The following CDKL3 variants were observed in gnomAD, a reference collection of about 807,000 sequenced individuals.
CDKL3 encodes cyclin dependent kinase like 3.
A neutral mutation model predicts 69.3 loss-of-function variants in CDKL3; 65 were observed. The ratio of observed to expected loss-of-function variants is 0.94; its 90% CI spans 0.77 to 1.15. The LOEUF (loss-of-function observed/expected upper bound fraction) is 1.15. Ranked by LOEUF, CDKL3 falls within the 50% of genes most tolerant of loss-of-function variation. The pLI is 0.00. For synonymous variants in CDKL3, 202 were observed against 221.6 expected (o/e 0.91, Z 0.79); for missense variants, 652 against 689.2 (o/e 0.95, Z 0.61).
At chr5:134,285,317 C>T (rs1238413107), downstream of CDKL3, among the ~76,000 whole-genome samples, 2 of 152,238 alleles carry the variant, frequency 1.3e-5, no homozygotes, top group Non-Finnish European at 2.9e-5. Flanking sequence ...TCCTGGACAT[C>T]CAGGCATTTC....
At chr5:134,307,916 A>G in intron 9 of CDKL3, 3 of 565,300 alleles carry the variant, frequency 5.3e-6, no homozygotes, top group Non-Finnish European at 8.0e-6. Context: ...AGGTTTTTCA[A>G]GAAGACATTA....
intron 3 of CDKL3, among the ~76,000 whole-genome samples, chr5:134,357,802 A>G (rs928666704): frequency 5.3e-5 from 8 of 152,086 alleles, no homozygotes; most frequent in Non-Finnish European, 1.2e-4. Context: ...CCACCCACAC[A>G]TCTAGATTGT....
At chr5:134,311,275 G>A (rs539472862) in intron 7 of CDKL3, among the ~76,000 whole-genome samples, 2 of 152,172 alleles carry the variant, frequency 1.3e-5, no homozygotes, top group Non-Finnish European at 2.9e-5. Flanking sequence ...AGGCCAAGGC[G>A]GGTGGATCAC....
chr5:134,287,891 TTTAC>T (rs1323718988), intron 8 of CDKL3, among the ~76,000 whole-genome samples: 2 of 105,338 alleles, frequency 1.9e-5, no homozygotes, highest in South Asian at 6.5e-4. Flanking sequence ...TGTTTGTAAC[TTTAC>T]TTTTTTTTTT....
At chr5:134,286,416 A>G, downstream of CDKL3, 1 of 187,600 alleles carries the variant, frequency 5.3e-6, no homozygotes. Flanking sequence ...TCTTCTTCTG[A>G]GCTCTCCAAA....
At chr5:134,340,384 TTAAA>T (rs2149558917) in intron 4 of CDKL3, among the ~76,000 whole-genome samples, 1 of 152,140 alleles carries the variant, frequency 6.6e-6, no homozygotes, top group Non-Finnish European at 1.5e-5. Context: ...CAAAAGTTCA[TTAAA>T]TAGAGAATAA....
At chr5:134,354,260 C>T (rs1001489349) in intron 3 of CDKL3, among the ~76,000 whole-genome samples, 8 of 152,198 alleles carry the variant, frequency 5.3e-5, no homozygotes, top group East Asian at 1.9e-4. Context: ...ATTAATATCT[C>T]GTGCTCAGTA....
intron 12 of CDKL3, 48 bp downstream of exon 12, chr5:134,302,542 T>A (rs1766605161): frequency 2.1e-6 from 2 of 930,442 alleles, no homozygotes; most frequent in East Asian, 5.0e-5. Context: ...CTGAGTCAAG[T>A]CCTCTAAACA....
At chr5:134,364,156 A>G (rs1473888915) in intron 2 of CDKL3, among the ~76,000 whole-genome samples, 2 of 152,250 alleles carry the variant, frequency 1.3e-5, no homozygotes, top group Non-Finnish European at 2.9e-5. Context: ...AATAAATAGA[A>G]TACATACTTA....
intron 6 of CDKL3, among the ~76,000 whole-genome samples, chr5:134,317,308 G>A (rs867198125): frequency 3.3e-5 from 5 of 152,048 alleles, no homozygotes; most frequent in South Asian, 2.1e-4. Context: ...GCTAATTTTT[G>A]TATTTTTAGT....
chr5:134,333,815 C>A (rs1047605142), intron 4 of CDKL3, among the ~76,000 whole-genome samples: 4 of 152,148 alleles, frequency 2.6e-5, no homozygotes, highest in African/African-American at 9.7e-5. Flanking sequence ...CATGATGATG[C>A]TGGCCTCATA....
chr5:134,311,113 T>C lies in CDKL3; in HGVS notation c.881+1179A>G, dbSNP rs541754745. Among the ~76,000 whole-genome samples, 8 of 152,348 alleles carry C rather than the reference T, an allele frequency of 5.3e-5. No individual in the cohort carries two copies. In the South Asian group the frequency reaches 1.7e-3, roughly 32 times the overall value. On this transcript the variant is annotated intron_variant, in intron 7 of 12. Transcript: ENST00000265334. ...AATCTAAATTGTAATACAGATTATA[T>C]GCTGGGCATGTCATAGGCAATGTGG... is the stretch of plus-strand genomic sequence containing the variant.
At chr5:134,294,903 G>C (rs557107313), downstream of CDKL3, among the ~76,000 whole-genome samples, 5 of 151,408 alleles carry the variant, frequency 3.3e-5, no homozygotes, top group Admixed American at 2.6e-4. Flanking sequence ...AACAAATGAT[G>C]TATCAGATTG....
At chr5:134,336,439 G>A (rs1777128518) in intron 4 of CDKL3, among the ~76,000 whole-genome samples, 1 of 152,152 alleles carries the variant, frequency 6.6e-6, no homozygotes, top group South Asian at 2.1e-4. Flanking sequence ...TTTCTGCTCT[G>A]GTTTCTCCCC....
At chr5:134,337,926 G>A (rs995586514) in intron 4 of CDKL3, among the ~76,000 whole-genome samples, 1 of 151,554 alleles carries the variant, frequency 6.6e-6, no homozygotes, top group African/African-American at 2.4e-5. Flanking sequence ...AGTTTATTTT[G>A]GTGCAAAAAA....
chr5:134,338,972 G>A (rs1749752571), intron 4 of CDKL3, among the ~76,000 whole-genome samples: 1 of 151,998 alleles, frequency 6.6e-6, no homozygotes, highest in East Asian at 1.9e-4. Context: ...TGGCCAACGT[G>A]GTGAAACACC....
upstream of CDKL3, chr5:134,371,509 C>G: frequency 2.6e-6 from 4 of 1,522,568 alleles, no homozygotes; most frequent in Non-Finnish European, 2.7e-6. Context: ...GGCGGCGATC[C>G]ACAGTGATTC....
At chr5:134,324,291 T>C (rs1773541103) in intron 4 of CDKL3, among the ~76,000 whole-genome samples, 1 of 152,240 alleles carries the variant, frequency 6.6e-6, no homozygotes, top group Admixed American at 6.5e-5. Context: ...TGACAGCTTC[T>C]AACAAAGCTA....
intron 4 of CDKL3, among the ~76,000 whole-genome samples, chr5:134,330,907 C>T (rs1159235531): frequency 6.6e-6 from 1 of 152,220 alleles, no homozygotes; most frequent in African/African-American, 2.4e-5. Flanking sequence ...CTCTTGGTAG[C>T]CAGTGCTTCG....
Sources: allele counts gnomAD v4.1 joint callset (sites outside exome capture counted in the v4.1 genomes callset), GRCh38; gene constraint gnomAD v4.1.1; transcripts MANE v1.5; gene names NCBI Gene and HGNC (gene_info 2026-07-23, HGNC 2026-07-21).